Variants in SMYD3 observed in about 807,000 individuals in gnomAD.
The protein encoded by SMYD3 is histone-lysine N-methyltransferase SMYD3.
SMYD3 carries 36 observed loss-of-function variants against 57.7 expected under a neutral mutation model. The ratio of observed to expected loss-of-function variants is 0.62; its 90% confidence interval spans 0.48 to 0.82. The LOEUF (loss-of-function observed/expected upper bound fraction) is 0.82, where lower values mean the gene tolerates loss of function less well. SMYD3 is among the 40% of genes least tolerant of loss of function. The probability of loss-of-function intolerance (pLI) is 0.00; values close to 1 mark genes in which losing one functional copy is unlikely to be tolerated. For missense variants in SMYD3, 515 were observed against 538.8 expected (o/e 0.96, Z 0.44); for synonymous variants, 211 against 195.0 (o/e 1.08, Z -0.68).
At chr1:245,958,861 G>A (rs58082479) in intron 5 of SMYD3, among the ~76,000 whole-genome samples, 20,506 of 152,116 alleles carry the variant, frequency 0.13, 1,735 homozygotes, top group East Asian at 0.41. Flanking sequence ...CAGTATTTAA[G>A]CAGAGGCTAG....
intron 1 of SMYD3, among the ~76,000 whole-genome samples, chr1:246,385,880 G>C (rs1422783604): frequency 6.6e-6 from 1 of 152,108 alleles, no homozygotes; most frequent in African/African-American, 2.4e-5. Flanking sequence ...ACTTTGAGTA[G>C]GAAGGCAGTA....
intron 1 of SMYD3, among the ~76,000 whole-genome samples, chr1:246,473,819 G>A (rs2067992274): frequency 6.6e-6 from 1 of 152,200 alleles, no homozygotes; most frequent in African/African-American, 2.4e-5. Flanking sequence ...CCCCTCAGGG[G>A]AAAGCCTGCA....
chr1:246,450,887 T>C (rs536831585), intron 1 of SMYD3, among the ~76,000 whole-genome samples: 7 of 152,202 alleles, frequency 4.6e-5, no homozygotes, highest in Non-Finnish European at 8.8e-5. Context: ...GAACTATATT[T>C]ATAAGCAAAC....
intron 5 of SMYD3, among the ~76,000 whole-genome samples, chr1:246,017,837 G>A (rs1409860276): frequency 6.6e-6 from 1 of 152,180 alleles, no homozygotes; most frequent in Non-Finnish European, 1.5e-5. Flanking sequence ...TATTCAGTGA[G>A]TTATAACCTA....
chr1:245,863,851 C>G lies in SMYD3; in HGVS notation c.849G>C (p.Trp283Cys). ...ADMLTGDEQV[W>C]KEVQESLKKI... is the part of the protein sequence containing the mutation. Reference sequence around the variant, plus strand: ...TTTTCAGGGATTCTTGAACTTCCTTCCATACTTGCTCATCACCAGTTAGCA... The same window carrying G: ...TTTTCAGGGATTCTTGAACTTCCTTGCATACTTGCTCATCACCAGTTAGCA... Residue 283 changes from tryptophan to cysteine, a missense_variant, in exon 9 of 12, where the codon TGG becomes TGC. Transcript: ENST00000490107. 6.2e-7 allele frequency: 1 copy of G among 1,614,184 alleles called. No individual in the cohort carries two copies. Among genetic ancestry groups the G allele is most frequent in the Non-Finnish European group, 8.5e-7 (1 of 1,180,010 alleles).
intron 10 of SMYD3, among the ~76,000 whole-genome samples, chr1:245,827,622 A>G (rs1389923691): frequency 4.6e-5 from 2 of 43,452 alleles, no homozygotes; most frequent in East Asian, 1.2e-3. Flanking sequence ...ATCATGTCCT[A>G]CTCTATGATC....
chr1:245,969,252 C>T lies in SMYD3; in HGVS notation c.532-39315G>A, dbSNP rs140162709. Reference sequence around the variant, plus strand: ...TGAACCACAATAATTAATGACTCTTCAGTGGCTAGAACATAAAAGATAGCT... The same window carrying T: ...TGAACCACAATAATTAATGACTCTTTAGTGGCTAGAACATAAAAGATAGCT... On this transcript the variant is annotated intron_variant, in intron 5 of 11. Coordinates refer to ENST00000490107, the MANE Select transcript of SMYD3 (RefSeq NM_001167740.2). Among the ~76,000 whole-genome samples the T allele has an allele frequency of 3.1e-3, 475 of 152,320 alleles. 2 individuals carry two copies. The highest frequency in any genetic ancestry group is 0.01 in the African/African-American group (427 of 41,570).
chr1:246,375,926 C>G (rs1237737514), intron 1 of SMYD3, among the ~76,000 whole-genome samples: 2 of 151,898 alleles, frequency 1.3e-5, no homozygotes, highest in Non-Finnish European at 2.9e-5. Context: ...GACGGGGTTT[C>G]ACCATGTTGG....
chr1:245,927,853 T>A (rs538009628), intron 7 of SMYD3, 78 bp downstream of exon 7: 4 of 1,129,376 alleles, frequency 3.5e-6, no homozygotes, highest in Non-Finnish European at 5.2e-6. Context: ...TCAGGCACAA[T>A]CAGTTTTAGG....
intron 1 of SMYD3, among the ~76,000 whole-genome samples, chr1:246,505,240 G>A (rs2068518650): frequency 6.6e-6 from 1 of 152,144 alleles, no homozygotes; most frequent in African/African-American, 2.4e-5. Flanking sequence ...GGGAAGTAGA[G>A]TGAGCCTGCC....
chr1:246,212,867 A>G (rs1205950483), intron 5 of SMYD3, among the ~76,000 whole-genome samples: 3 of 152,164 alleles, frequency 2.0e-5, no homozygotes, highest in African/African-American at 4.8e-5. Context: ...AGGCATACAA[A>G]TGTAGACAGG....
At chr1:245,967,204 A>G (rs1287677461) in intron 5 of SMYD3, among the ~76,000 whole-genome samples, 1 of 152,296 alleles carries the variant, frequency 6.6e-6, no homozygotes, top group East Asian at 1.9e-4. Context: ...GTATTGTAAT[A>G]CCATATTATC....
chr1:246,368,432 C>T (rs2066142781), intron 1 of SMYD3, among the ~76,000 whole-genome samples: 1 of 152,158 alleles, frequency 6.6e-6, no homozygotes, highest in African/African-American at 2.4e-5. Flanking sequence ...CCAAATTCCC[C>T]CCAGCCCTGG....
chr1:245,815,865 G>C (rs1414643837), intron 10 of SMYD3, among the ~76,000 whole-genome samples: 4 of 152,210 alleles, frequency 2.6e-5, no homozygotes, highest in African/African-American at 4.8e-5. Context: ...AAGAAGCAGA[G>C]ATCAGGCCTT....
At chr1:245,905,117 T>C (rs1398812682) in intron 8 of SMYD3, among the ~76,000 whole-genome samples, 1 of 151,928 alleles carries the variant, frequency 6.6e-6, no homozygotes, top group Non-Finnish European at 1.5e-5. Context: ...ATCGAAGGCC[T>C]TGGGTGAGTC....
Position 245,842,446 on chromosome 1 carries a change from A to T in SMYD3, c.1076+16050T>A, listed in dbSNP as rs75423581. Among the ~76,000 whole-genome samples the T allele has an allele frequency of 2.2e-4, 12 of 55,420 alleles. No individual in the cohort carries two copies. The South Asian group carries it at 0.011, about 51-fold the overall frequency. The allele number at this position is 55,420 out of a possible 152,430, so 36.4% of individuals were successfully genotyped here. A position where few individuals can be genotyped will look rare whatever the true frequency, so the allele number is the denominator to read the frequency against. ...TTCATTTGACCAGGATTCTCTTTTC[A>T]TTTCAAGTCAATGGAACAATTATCC... On this transcript the variant is annotated intron_variant, in intron 10 of 11. Transcript: ENST00000490107.
rs563077063 is a variant in SMYD3, at chr1:246,226,221, CCT to C, written c.531+100978_531+100979del. ...AGGAACTAAATGACCTGTGAAAGCC[CCT>C]GTTAGTTGCTTCATACTGATACCGA... On this transcript the variant is annotated intron_variant, in intron 5 of 11. Transcript: ENST00000490107. 2.5e-3 allele frequency among the ~76,000 whole-genome samples: 373 copies of C among 152,238 alleles called. 2 individuals carry two copies. Among genetic ancestry groups the C allele is most frequent in the African/African-American group, 8.6e-3 (356 of 41,542 alleles).
intron 5 of SMYD3, among the ~76,000 whole-genome samples, chr1:246,193,253 C>T (rs2062769696): frequency 6.6e-6 from 1 of 152,082 alleles, no homozygotes; most frequent in Non-Finnish European, 1.5e-5. Context: ...TGAAAAAATT[C>T]TGGGATGAAA....
chr1:246,214,231 T>A (rs1165766772), intron 5 of SMYD3, among the ~76,000 whole-genome samples: 1 of 152,056 alleles, frequency 6.6e-6, no homozygotes, highest in African/African-American at 2.4e-5. Flanking sequence ...AGATTTCACA[T>A]CCCAGGTCAC....
Sources: allele counts gnomAD v4.1 joint callset (sites outside exome capture counted in the v4.1 genomes callset), GRCh38; gene constraint gnomAD v4.1.1; transcripts MANE v1.5; gene names NCBI Gene and HGNC (gene_info 2026-07-23, HGNC 2026-07-21).